The following ZNF75D variants were observed in gnomAD, a reference collection of about 807,000 sequenced individuals.
ZNF75D encodes the protein zinc finger protein 75.
In ZNF75D, 33 loss-of-function variants were observed where a neutral mutation model predicts 33.3. That is an observed-to-expected ratio of 0.99 (90% CI 0.75 to 1.32). The LOEUF (loss-of-function observed/expected upper bound fraction) is 1.32, where lower values mean the gene tolerates loss of function less well. Among genes scored for constraint, ZNF75D ranks in the 40% most tolerant of loss-of-function variants. ZNF75D has a pLI of 0.00. For synonymous variants in ZNF75D, 113 were observed against 130.6 expected (o/e 0.87, Z 0.92); for missense variants, 338 against 367.5 (o/e 0.92, Z 0.66).
chrX:135,339,888 T>G lies in ZNF75D; in HGVS notation c.-391+1880A>C, dbSNP rs189580788. 1.2e-4 allele frequency among the ~76,000 whole-genome samples: 13 copies of G among 112,049 alleles called. 1 individual carries two copies. The East Asian group carries it at 3.6e-3, about 31-fold the overall frequency. ...ACACAAGTCTAGCTCTAAGAAATTG[T>G]GCTCTGAACTTCTCTCCATACACAG... On this transcript the variant is annotated intron_variant, in intron 1 of 6. Coordinates refer to ENST00000370766, the MANE Select transcript of ZNF75D (RefSeq NM_007131.5).
intron 1 of ZNF75D, among the ~76,000 whole-genome samples, chrX:135,300,951 G>C (rs782001630): frequency 9.0e-6 from 1 of 111,212 alleles, no homozygotes; most frequent in Admixed American, 9.5e-5. Context: ...TTCAACAGGC[G>C]TATTAGTCTG....
intron 1 of ZNF75D, among the ~76,000 whole-genome samples, chrX:135,276,023 GA>G (rs200601430): frequency 0.01 from 1,148 of 111,576 alleles, 17 homozygotes; most frequent in African/African-American, 0.034. Context: ...GCTGCTCAGG[GA>G]GAGGGAACCC....
rs2083979611 is a variant in ZNF75D at position 135,287,859 on chromosome X, A to G, written c.824-13T>C. The G allele has an allele frequency of 1.8e-6, 2 of 1,141,939 alleles. No homozygotes were observed. The highest frequency in any genetic ancestry group is 2.4e-6 in the Non-Finnish European group (2 of 841,104). The allele number at this position is 1,141,939 out of a possible 1,213,427, so 94.1% of individuals were successfully genotyped here. A position where few individuals can be genotyped will look rare whatever the true frequency, so the allele number is the denominator to read the frequency against. The stretch of plus-strand genomic sequence containing the variant: ...TTTAGCTTTAACCCTGTTAGAATAA[A>G]CAGAATAATCAGCCATCTGTGTCCC... On this transcript the variant is annotated splice_polypyrimidine_tract_variant and intron_variant, in intron 6 of 6. Coordinates refer to ENST00000370766, the MANE Select transcript of ZNF75D (RefSeq NM_007131.5).
chrX:135,261,046 C>T (rs1457673724), intron 1 of ZNF75D, among the ~76,000 whole-genome samples: 2 of 112,245 alleles, frequency 1.8e-5, no homozygotes, highest in Non-Finnish European at 3.8e-5. Context: ...GCCTTCACTT[C>T]GTTATTTACC....
At chrX:135,274,579 C>T (rs1556417369) in intron 1 of ZNF75D, among the ~76,000 whole-genome samples, 1 of 111,535 alleles carries the variant, frequency 9.0e-6, no homozygotes, top group Non-Finnish European at 1.9e-5. Context: ...TTTACATGAG[C>T]ACCTAAATGA....
At chrX:135,294,956 A>T (rs1447493484) in intron 2 of ZNF75D, among the ~76,000 whole-genome samples, 1 of 112,235 alleles carries the variant, frequency 8.9e-6, no homozygotes, top group African/African-American at 3.2e-5. Flanking sequence ...TTGCGTATTA[A>T]ATTTTTTGTT....
intron 1 of ZNF75D, among the ~76,000 whole-genome samples, chrX:135,316,741 C>A (rs2084425153): frequency 9.3e-6 from 1 of 107,951 alleles, no homozygotes; most frequent in Non-Finnish European, 1.9e-5. Context: ...ATCTTAGATT[C>A]TTTCTTCTGC....
chrX:135,293,682 C>T, intron 3 of ZNF75D, 48 bp downstream of exon 3: 1 of 1,090,968 alleles, frequency 9.2e-7, no homozygotes, highest in Non-Finnish European at 1.2e-6. Context: ...TCTGATATAT[C>T]CACTTTTATC....
At chrX:135,282,768 C>T (rs782413299), downstream of ZNF75D, among the ~76,000 whole-genome samples, 20 of 109,953 alleles carry the variant, frequency 1.8e-4, no homozygotes, top group Admixed American at 1.5e-3. Context: ...TTGTACTTCC[C>T]GGGTAAGGTG....
rs969635545 is a variant in ZNF75D, at chrX:135,334,380, G to T, written c.-391+7388C>A. ...CTCTGGTTTCCTTTGGTTTGTCTAG[G>T]GGCTTACAGTCCTAGTCTGATAAGT... On this transcript the variant is annotated intron_variant, in intron 1 of 6. Transcript: ENST00000370766. Among the ~76,000 whole-genome samples, 5 of 111,394 alleles carry T rather than the reference G, an allele frequency of 4.5e-5. No individual in the cohort carries two copies. The Admixed American group carries it at 4.7e-4, about 11-fold the overall frequency.
At chrX:135,336,868 G>A (rs1276283872) in intron 1 of ZNF75D, among the ~76,000 whole-genome samples, 2 of 112,160 alleles carry the variant, frequency 1.8e-5, no homozygotes, top group Non-Finnish European at 3.8e-5. Context: ...TGTGATTTCT[G>A]TGCTTTACAT....
rs1338961923 is a variant in ZNF75D, at chrX:135,286,902, T to A, written c.*235A>T. 8 of 384,635 alleles carry A rather than the reference T, an allele frequency of 2.1e-5. No homozygotes were observed. Among genetic ancestry groups the A allele is most frequent in the Admixed American group, 1.6e-4 (3 of 18,927 alleles). The allele number at this position is 384,635 out of a possible 1,213,427, so 31.7% of individuals were successfully genotyped here. On this transcript the variant is annotated 3_prime_UTR_variant, in exon 7 of 7. Transcript: ENST00000370766. ...ACATATAGATAGATAGCTAAAGGAA[T>A]CTCATCACTACACTTTCATTTTTTT... is the stretch of plus-strand genomic sequence containing the variant.
At chrX:135,338,058 G>C (rs1230160489) in intron 1 of ZNF75D, among the ~76,000 whole-genome samples, 1 of 111,334 alleles carries the variant, frequency 9.0e-6, no homozygotes, top group Non-Finnish European at 1.9e-5. Context: ...GATGCAGCAG[G>C]AGACAGAGCT....
chrX:135,261,907 T>A (rs1377401089), intron 1 of ZNF75D, among the ~76,000 whole-genome samples: 1 of 112,241 alleles, frequency 8.9e-6, no homozygotes, highest in Non-Finnish European at 1.9e-5. Context: ...GTCTTTACAA[T>A]TTGGCATGTT....
rs577074774 is a variant in ZNF75D, at chrX:135,328,116, T to C, written c.-391+13652A>G. Among the ~76,000 whole-genome samples the C allele has an allele frequency of 9.8e-5, 11 of 111,930 alleles. No individual in the cohort carries two copies. In the South Asian group the frequency reaches 3.0e-3, roughly 30 times the overall value. ...GGTGGGGACAGAGCTTTGTGTTTTT[T>C]ATAGTGCTGTTTCCCTGAGGAACTA... On this transcript the variant is annotated intron_variant, in intron 1 of 6. Transcript: ENST00000370766.
At chrX:135,322,113 C>T (rs1466970927) in intron 1 of ZNF75D, among the ~76,000 whole-genome samples, 2 of 111,876 alleles carry the variant, frequency 1.8e-5, no homozygotes, top group Non-Finnish European at 3.8e-5. Flanking sequence ...GTCAGGACCT[C>T]GGCTGCTACT....
chrX:135,287,907 G>T, intron 6 of ZNF75D, 61 bp from the exon 7 acceptor site: 2 of 887,251 alleles, frequency 2.3e-6, no homozygotes, highest in Non-Finnish European at 3.2e-6. Flanking sequence ...CTACATAAAT[G>T]GAGAGAAAAG....
chrX:135,285,513 C>T (rs1219018576), downstream of ZNF75D, among the ~76,000 whole-genome samples: 2 of 112,227 alleles, frequency 1.8e-5, no homozygotes, highest in Non-Finnish European at 3.8e-5. Flanking sequence ...ATGAAGAATG[C>T]TTAAAAGCTG....
chrX:135,316,889 T>G (rs189113808), intron 1 of ZNF75D, among the ~76,000 whole-genome samples: 2 of 110,793 alleles, frequency 1.8e-5, no homozygotes, highest in Non-Finnish European at 3.8e-5. Context: ...TTTTTATCAT[T>G]TTTTAGAATT....
Sources: gnomAD v4.1 joint callset for allele counts (sites outside exome capture counted in the v4.1 genomes callset) on GRCh38, gnomAD v4.1.1 for gene constraint, MANE v1.5 for transcripts, NCBI Gene and HGNC (gene_info 2026-07-23, HGNC 2026-07-21) for gene names.